NGF: variants seen among roughly 807,000 people sequenced by gnomAD.
The protein encoded by NGF is beta-nerve growth factor.
A neutral mutation model predicts 12.8 loss-of-function variants in NGF; 4 were observed. The observed-to-expected ratio is 0.31, with a 90% CI of 0.15 to 0.72. The LOEUF (loss-of-function observed/expected upper bound fraction) is 0.72. NGF is among the 30% of genes least tolerant of loss of function. NGF has a pLI of 0.69. For synonymous variants in NGF, 140 were observed against 130.0 expected, an observed-to-expected ratio of 1.08 and a Z score of -0.52; for missense variants, 283 against 330.8, an observed-to-expected ratio of 0.86 and a Z score of 1.12.
At chr1:115,298,590 C>T (rs1234128733) in intron 1 of NGF, among the ~76,000 whole-genome samples, 1 of 151,476 alleles carries the variant, frequency 6.6e-6, no homozygotes, top group African/African-American at 2.4e-5. Flanking sequence ...CTGCGGCTGC[C>T]CTGGTATCTT....
At chr1:115,297,550 T>C (rs1653909940) in intron 1 of NGF, among the ~76,000 whole-genome samples, 1 of 152,334 alleles carries the variant, frequency 6.6e-6, no homozygotes, top group South Asian at 2.1e-4. Flanking sequence ...ATTTCAGCCA[T>C]GAAACTTGAT....
chr1:115,314,006 A>T (rs973027913), intron 1 of NGF, among the ~76,000 whole-genome samples: 10 of 152,206 alleles, frequency 6.6e-5, no homozygotes, highest in African/African-American at 2.4e-4. Context: ...AGCCTATACC[A>T]GGACTTCAGG....
At chr1:115,311,228 A>G (rs1557942071) in intron 1 of NGF, among the ~76,000 whole-genome samples, 1 of 152,204 alleles carries the variant, frequency 6.6e-6, no homozygotes, top group Non-Finnish European at 1.5e-5. Context: ...AGTCAGCAGG[A>G]GTTCTTTTAT....
intron 1 of NGF, among the ~76,000 whole-genome samples, chr1:115,321,965 C>T (rs1442223758): frequency 3.3e-5 from 5 of 152,218 alleles, no homozygotes; most frequent in African/African-American, 7.2e-5. Flanking sequence ...TTGAGATAGA[C>T]GTGGCCCTTG....
chr1:115,320,797 C>T (rs776774567), intron 1 of NGF, among the ~76,000 whole-genome samples: 38 of 152,204 alleles, frequency 2.5e-4, no homozygotes, highest in African/African-American at 6.3e-4. Flanking sequence ...AATGGCTCTA[C>T]AAAGCAGAAG....
chr1:115,322,740 C>A (rs1263489437), intron 1 of NGF, among the ~76,000 whole-genome samples: 1 of 152,148 alleles, frequency 6.6e-6, no homozygotes, highest in Non-Finnish European at 1.5e-5. Context: ...TTATTACCCC[C>A]ATTTTGCAGC....
At chr1:115,293,915 C>T (rs1653784365) in intron 1 of NGF, among the ~76,000 whole-genome samples, 165 bp from the exon 2 acceptor site, 1 of 152,176 alleles carries the variant, frequency 6.6e-6, no homozygotes, top group Non-Finnish European at 1.5e-5. Flanking sequence ...CCAAAATTTA[C>T]CGGAGCTTGG....
At chr1:115,311,681 C>T (rs77890608) in intron 1 of NGF, among the ~76,000 whole-genome samples, 4 of 152,160 alleles carry the variant, frequency 2.6e-5, no homozygotes, top group Admixed American at 6.6e-5. Flanking sequence ...TTTATCCTCA[C>T]TAAATTCACT....
intron 1 of NGF, among the ~76,000 whole-genome samples, chr1:115,308,985 T>C (rs1237323102): frequency 1.3e-5 from 2 of 152,230 alleles, no homozygotes; most frequent in Non-Finnish European, 2.9e-5. Context: ...ACATTGATTT[T>C]AGAATGCAGC....
At chr1:115,288,354 A>C (rs1653582794) in intron 2 of NGF, among the ~76,000 whole-genome samples, 1 of 152,190 alleles carries the variant, frequency 6.6e-6, no homozygotes, top group African/African-American at 2.4e-5. Flanking sequence ...CCAGAGCCTT[A>C]GCGTTCCCAT....
chr1:115,292,870 C>G (rs756367207), intron 2 of NGF, among the ~76,000 whole-genome samples: 12 of 151,818 alleles, frequency 7.9e-5, no homozygotes, highest in Non-Finnish European at 1.8e-4. Context: ...GATCTAAAAG[C>G]ACTTGAAATG....
intron 1 of NGF, among the ~76,000 whole-genome samples, chr1:115,315,228 G>A (rs1317410856): frequency 6.6e-6 from 1 of 152,158 alleles, no homozygotes; most frequent in East Asian, 1.9e-4. Flanking sequence ...TTAGCAGAAA[G>A]CAACATGACT....
At chr1:115,331,787 A>T (rs1176211545) in intron 1 of NGF, among the ~76,000 whole-genome samples, 2 of 152,064 alleles carry the variant, frequency 1.3e-5, no homozygotes, top group Non-Finnish European at 2.9e-5. Flanking sequence ...TTTAGTTATG[A>T]CTCCTGAGCA....
intron 2 of NGF, among the ~76,000 whole-genome samples, chr1:115,290,794 C>T (rs1284048821): frequency 6.6e-6 from 1 of 152,138 alleles, no homozygotes; most frequent in Non-Finnish European, 1.5e-5. Flanking sequence ...AGCAAAGTGT[C>T]CTACTCATCT....
At chr1:115,320,478 G>A (rs1654590764) in intron 1 of NGF, among the ~76,000 whole-genome samples, 1 of 152,072 alleles carries the variant, frequency 6.6e-6, no homozygotes, top group Admixed American at 6.5e-5. Flanking sequence ...AACCAAACCA[G>A]CGACTAAGTG....
chr1:115,304,427 G>A (rs901887008), intron 1 of NGF, among the ~76,000 whole-genome samples: 3 of 150,420 alleles, frequency 2.0e-5, no homozygotes, highest in African/African-American at 7.4e-5. Context: ...GCCCACCTCG[G>A]CCTCCCAAAT....
In NGF at chr1:115,301,158, T is replaced by C. The variant is rs371301532; in HGVS notation, c.-136-7408A>G. Reference sequence around the variant, plus strand: ...ACATGAACAAAATAAAAAGTCTGCATTGGGGAAATTTACTCTGGAGCTAAC... The same window carrying C: ...ACATGAACAAAATAAAAAGTCTGCACTGGGGAAATTTACTCTGGAGCTAAC... On this transcript the variant is annotated intron_variant, in intron 1 of 2. Transcript: ENST00000369512. Among the ~76,000 whole-genome samples the C allele has an allele frequency of 3.3e-5, 5 of 152,258 alleles. No individual in the cohort carries two copies. The East Asian group carries it at 5.8e-4, about 18-fold the overall frequency.
chr1:115,294,002 T>C (rs1653787002), intron 1 of NGF, among the ~76,000 whole-genome samples: 1 of 152,230 alleles, frequency 6.6e-6, no homozygotes, highest in South Asian at 2.1e-4. Flanking sequence ...ACACAGTCCA[T>C]GGCTGATCTT....
intron 1 of NGF, among the ~76,000 whole-genome samples, chr1:115,299,891 A>G (rs941713540): frequency 9.9e-5 from 15 of 152,206 alleles, no homozygotes; most frequent in African/African-American, 3.6e-4. Context: ...GGTACTGGGA[A>G]CAATGACTCT....
Sources: allele counts gnomAD v4.1 joint callset (sites outside exome capture counted in the v4.1 genomes callset), GRCh38; gene constraint gnomAD v4.1.1; transcripts MANE v1.5; gene names NCBI Gene and HGNC (gene_info 2026-07-23, HGNC 2026-07-21).